The following BCL11A variants were observed in gnomAD, a reference collection of about 807,000 sequenced individuals.
BCL11A encodes BCL11 transcription factor A.
In BCL11A, 2 loss-of-function variants were observed where a neutral mutation model predicts 55.9. The ratio of observed to expected loss-of-function variants is 0.04; its 90% CI spans 0.01 to 0.11. The LOEUF (loss-of-function observed/expected upper bound fraction) is 0.11. Among genes scored for constraint, BCL11A ranks in the 10% least tolerant of loss-of-function variants. The probability of loss-of-function intolerance (pLI) is 1.00; values close to 1 mark genes in which losing one functional copy is unlikely to be tolerated. For synonymous variants in BCL11A, 465 were observed against 473.4 expected (o/e 0.98, Z 0.23); for missense variants, 817 against 1,137.1 (o/e 0.72, Z 4.05).
intron 2 of BCL11A, among the ~76,000 whole-genome samples, chr2:60,509,199 T>C (rs942107539): frequency 6.6e-6 from 1 of 152,244 alleles, no homozygotes; most frequent in Non-Finnish European, 1.5e-5. Flanking sequence ...TGGTCTCAGC[T>C]TTGGCTGGCT....
rs2103824152 is a variant in BCL11A at position 60,460,747 on chromosome 2, G to A, written c.2165C>T (p.Thr722Met). ...GRSGTGSGGS[T>M]PHISGPGPGR... Reference sequence around the variant, plus strand: ...CGGGCCCGGACCACTAATATGGGGCGTGCTCCCTCCACTTCCCGTGCCGCT... The same window carrying A: ...CGGGCCCGGACCACTAATATGGGGCATGCTCCCTCCACTTCCCGTGCCGCT... The change falls in exon 4 of 4, where the codon ACG becomes ATG. Residue 722 changes from threonine to methionine, a missense_variant. Around this residue, in one of 4 missense-constraint regions of BCL11A, gnomAD observed 379 missense variants for 425.3 expected, o/e 0.89. Coordinates refer to ENST00000642384, the MANE Select transcript of BCL11A (RefSeq NM_022893.4). 6.2e-7 allele frequency: 1 copy of A among 1,614,008 alleles called. No homozygotes were observed. The highest frequency in any genetic ancestry group is 8.5e-7 in the Non-Finnish European group (1 of 1,180,040).
intron 2 of BCL11A, among the ~76,000 whole-genome samples, chr2:60,515,914 C>A (rs1199029241): frequency 6.6e-6 from 1 of 152,170 alleles, no homozygotes; most frequent in East Asian, 1.9e-4. Flanking sequence ...CAAGTCAATT[C>A]GAGAAAGATC....
intron 2 of BCL11A, among the ~76,000 whole-genome samples, chr2:60,523,174 A>G (rs540045109): frequency 1.4e-3 from 213 of 152,352 alleles, no homozygotes; most frequent in Non-Finnish European, 2.4e-3. Flanking sequence ...CACTCATGGC[A>G]GAACCGTAAA....
At chr2:60,499,466 G>C (rs1345214969) in intron 2 of BCL11A, among the ~76,000 whole-genome samples, 1 of 152,190 alleles carries the variant, frequency 6.6e-6, no homozygotes, top group Non-Finnish European at 1.5e-5. Context: ...TAGATAAAGA[G>C]CCTGAGGCCC....
At chr2:60,505,574 C>G (rs1375098925) in intron 2 of BCL11A, among the ~76,000 whole-genome samples, 2 of 152,236 alleles carry the variant, frequency 1.3e-5, no homozygotes, top group African/African-American at 4.8e-5. Flanking sequence ...GCCTCTCTCC[C>G]TCAAATGCAT....
intron 2 of BCL11A, among the ~76,000 whole-genome samples, chr2:60,471,652 C>T (rs915554221): frequency 6.6e-6 from 1 of 152,214 alleles, no homozygotes; most frequent in African/African-American, 2.4e-5. Context: ...TTGAGGGCCT[C>T]TTCTTTTCCC....
intron 2 of BCL11A, chr2:60,495,826 A>G (rs574868478): frequency 4.2e-4 from 64 of 152,246 alleles, no homozygotes; most frequent in African/African-American, 1.4e-3. Flanking sequence ...CCTTCCCCCA[A>G]CCAAAAACCC....
chr2:60,551,030 T>A, intron 1 of BCL11A: 1 of 397,396 alleles, frequency 2.5e-6, no homozygotes, highest in Non-Finnish European at 4.4e-6. Context: ...CCGAAGTGTG[T>A]GACAAGTTCC....
Position 60,468,025 on chromosome 2 carries a change from A to ACTTTGTGGTGATGGTGATG in BCL11A, c.487+706_487+707insCATCACCATCACCACAAAG, listed in dbSNP as rs1676958230. 2.0e-4 allele frequency among the ~76,000 whole-genome samples: 4 copies of ACTTTGTGGTGATGGTGATG among 20,134 alleles called. 1 individual carries two copies. Among genetic ancestry groups the ACTTTGTGGTGATGGTGATG allele is most frequent in the Non-Finnish European group, 3.8e-4 (4 of 10,618 alleles). The allele number at this position is 20,134 out of a possible 152,430, so 13.2% of individuals were successfully genotyped here. A position where few individuals can be genotyped will look rare whatever the true frequency, so the allele number is the denominator to read the frequency against. On this transcript the variant is annotated intron_variant, in intron 3 of 3. Coordinates refer to ENST00000642384, the MANE Select transcript of BCL11A (RefSeq NM_022893.4). ...TGGTGGTGATGGTGGTGGTGGTGGT[A>ACTTTGTGGTGATGGTGATG]GTGGTGGTGATGGTGGTGATGGTAC... is the stretch of plus-strand genomic sequence containing the variant.
intron 2 of BCL11A, among the ~76,000 whole-genome samples, chr2:60,507,870 C>A (rs899024767): frequency 1.3e-5 from 2 of 152,214 alleles, no homozygotes; most frequent in South Asian, 4.1e-4. Flanking sequence ...CAAAGGACAG[C>A]ATACTATGGG....
chr2:60,521,785 C>T (rs1294595374), intron 2 of BCL11A, among the ~76,000 whole-genome samples: 4 of 152,294 alleles, frequency 2.6e-5, no homozygotes, highest in Middle Eastern at 3.4e-3. Flanking sequence ...CACGTGAGCA[C>T]GTCCCAGCTG....
chr2:60,553,832 G>C (rs1015265114), upstream of BCL11A: 1 of 148,436 alleles, frequency 6.7e-6, no homozygotes, highest in African/African-American at 2.5e-5. Flanking sequence ...CGGCCCCCGG[G>C]GGAGGGGCGG....
chr2:60,536,752 A>C (rs1267280615), intron 2 of BCL11A: 2 of 152,186 alleles, frequency 1.3e-5, no homozygotes, highest in Non-Finnish European at 2.9e-5. Context: ...AAGCCTTGAG[A>C]TATTCCTCTT....
In BCL11A at chr2:60,553,383, T is replaced by A. The variant is rs914755323; in HGVS notation, c.-113A>T. 3.8e-6 allele frequency: 4 copies of A among 1,058,676 alleles called. No homozygotes were observed. The African/African-American group carries it at 6.6e-5, about 17-fold the overall frequency. The allele number at this position is 1,058,676 out of a possible 1,614,324, so 65.6% of individuals were successfully genotyped here. A position where few individuals can be genotyped will look rare whatever the true frequency, so the allele number is the denominator to read the frequency against. ...AGAAGGAGACTCCAGAGAAAATATC[T>A]TCATCAGTGCCTTTTGACATCCAAA... On this transcript the variant is annotated 5_prime_UTR_variant, in exon 1 of 4. The change creates a new upstream start codon in the 5' untranslated region. Transcript: ENST00000642384.
chr2:60,486,266 C>T (rs2104251868), intron 2 of BCL11A, among the ~76,000 whole-genome samples: 1 of 152,296 alleles, frequency 6.6e-6, no homozygotes, highest in East Asian at 1.9e-4. Flanking sequence ...TGTTCTCTCT[C>T]CTACACATCA....
intron 2 of BCL11A, among the ~76,000 whole-genome samples, chr2:60,529,438 C>G (rs1669350224): frequency 6.6e-6 from 1 of 152,134 alleles, no homozygotes; most frequent in Admixed American, 6.5e-5. Flanking sequence ...TTACCCTCAG[C>G]CTAAACCATT....
At chr2:60,493,132 G>T (rs1678742229) in intron 2 of BCL11A, among the ~76,000 whole-genome samples, 1 of 152,050 alleles carries the variant, frequency 6.6e-6, no homozygotes, top group Non-Finnish European at 1.5e-5. Flanking sequence ...AATGATTCTG[G>T]GATTCATCCA....
At chr2:60,520,857 G>T (rs539102318) in intron 2 of BCL11A, among the ~76,000 whole-genome samples, 1 of 151,986 alleles carries the variant, frequency 6.6e-6, no homozygotes, top group South Asian at 2.1e-4. Context: ...GGTTCCCACC[G>T]GTGTTTTCGT....
In BCL11A at chr2:60,553,426, C is replaced by T; in HGVS notation, c.-156G>A. On this transcript the variant is annotated 5_prime_UTR_variant, in exon 1 of 4. Coordinates refer to ENST00000642384, the MANE Select transcript of BCL11A (RefSeq NM_022893.4). ...CATCCAAAATAAATTAGAAATAATA[C>T]AAAGATGGCGCAGGGAAGATGAATT... The T allele has an allele frequency of 2.6e-6, 1 of 380,754 alleles. No homozygotes were observed. Among genetic ancestry groups the T allele is most frequent in the Non-Finnish European group, 4.3e-6 (1 of 235,154 alleles). The allele number at this position is 380,754 out of a possible 1,614,324, so 23.6% of individuals were successfully genotyped here.
Sources: gnomAD v4.1 joint callset for allele counts (sites outside exome capture counted in the v4.1 genomes callset) on GRCh38, gnomAD v4.1.1 for gene constraint, gnomAD v4.1.1 regional missense constraint, MANE v1.5 for transcripts, NCBI Gene and HGNC (gene_info 2026-07-23, HGNC 2026-07-21) for gene names.